ANO7: variants seen among roughly 807,000 people sequenced by gnomAD.
The protein encoded by ANO7 is anoctamin-7.
Under a neutral mutation model 115.8 loss-of-function variants are expected in ANO7, and 114 were observed. The observed-to-expected ratio is 0.98, with a 90% CI of 0.85 to 1.15. The LOEUF (loss-of-function observed/expected upper bound fraction) is 1.15, where lower values mean the gene tolerates loss of function less well. Among genes scored for constraint, ANO7 ranks in the 50% most tolerant of loss-of-function variants. The pLI is 0.00. For missense variants in ANO7, 1,302 were observed against 1,201.2 expected (o/e 1.08, Z -1.24); for synonymous variants, 550 against 498.2 (o/e 1.10, Z -1.38).
In ANO7 at chr2:241,217,899, C is replaced by T. The variant is rs767966900; in HGVS notation, c.2178+8C>T. ...CTGGCGGTCATCAGCAACGTGAGGC[C>T]CGGGCGGGAGCGCGGGGCGGGGCGG... On this transcript the variant is annotated splice_region_variant and intron_variant, in intron 20 of 24. Transcript: ENST00000674324. 1 of 1,526,026 alleles carries T rather than the reference C, an allele frequency of 6.6e-7. No homozygotes were observed. The highest frequency in any genetic ancestry group is 1.4e-5 in the African/African-American group (1 of 69,844). The allele number at this position is 1,526,026 out of a possible 1,614,324, so 94.5% of individuals were successfully genotyped here. A position where few individuals can be genotyped will look rare whatever the true frequency, so the allele number is the denominator to read the frequency against.
intron 3 of ANO7, among the ~76,000 whole-genome samples, chr2:241,194,470 A>C (rs1417869293): frequency 6.6e-6 from 1 of 151,806 alleles, no homozygotes; most frequent in African/African-American, 2.4e-5. Flanking sequence ...GCCGGCCACC[A>C]CGCCCAGCTA....
chr2:241,216,953 C>T (rs1243341919), intron 19 of ANO7, among the ~76,000 whole-genome samples: 2 of 152,260 alleles, frequency 1.3e-5, no homozygotes, highest in East Asian at 3.8e-4. Context: ...CCTGCCTCAG[C>T]CTCCCGAGTA....
chr2:241,236,913 T>C, the ANO7 span: 1 of 736,722 alleles, frequency 1.4e-6, no homozygotes, highest in East Asian at 3.0e-5. Context: ...CAGGAGGTCT[T>C]GGTCTGGTCA....
intron 21 of ANO7, 66 bp downstream of exon 21, chr2:241,218,447 G>A: frequency 8.1e-7 from 1 of 1,229,742 alleles, no homozygotes; most frequent in South Asian, 2.9e-5. Flanking sequence ...GGGCTCGGGT[G>A]GGGTGGGGGT....
At chr2:241,229,625 G>C (rs766752811), downstream of ANO7, 1 of 1,613,892 alleles carries the variant, frequency 6.2e-7, no homozygotes, top group Non-Finnish European at 8.5e-7. Context: ...CCCAAGGGAG[G>C]GTCTTGGGAG....
the ANO7 span, chr2:241,238,609 C>G: frequency 6.9e-7 from 1 of 1,441,670 alleles, no homozygotes; most frequent in East Asian, 2.5e-5. This position sits in a 1 kb window ranked among gnomAD's most constrained non-coding sequence, Gnocchi z 4.9. Flanking sequence ...ATGGGAGGCG[C>G]CACTATTAAC....
chr2:241,194,427 G>A (rs562837665), intron 3 of ANO7, among the ~76,000 whole-genome samples: 4 of 150,526 alleles, frequency 2.7e-5, no homozygotes, highest in South Asian at 2.1e-4. Context: ...CCATTCTCCC[G>A]CCTCAGCCTC....
chr2:241,212,720 C>T, intron 17 of ANO7, 94 bp downstream of exon 17: 1 of 1,360,574 alleles, frequency 7.3e-7, no homozygotes, highest in Non-Finnish European at 1.0e-6. Context: ...AGCAATTCCT[C>T]CCACCACCGG....
Position 241,188,815 on chromosome 2 carries a change from T to G in ANO7, c.-8+49T>G, listed in dbSNP as rs747095293. The G allele has an allele frequency of 5.0e-6, 8 of 1,589,806 alleles. No homozygotes were observed. In the South Asian group the frequency reaches 7.9e-5, roughly 16 times the overall value. ...GGGCCACAGGGAGAAGGTGGAGCGT[T>G]GGACTCTAGGGAGGCAGGGCGGCAC... On this transcript the variant is annotated intron_variant, in intron 1 of 24. Coordinates refer to ENST00000674324, the MANE Select transcript of ANO7 (RefSeq NM_001370694.2). The surrounding 1 kb of genome is among the most constrained non-coding windows in gnomAD (Gnocchi z 4.3).
At chr2:241,205,543 CACAGGTGGACAGGAGTGCTCCCAGTCTG>C (rs1276660230) in intron 10 of ANO7, among the ~76,000 whole-genome samples, 1 of 111,802 alleles carries the variant, frequency 8.9e-6, no homozygotes, top group Non-Finnish European at 1.8e-5. Flanking sequence ...CCAAGGCTGA[CACAGGTGGACAGGAGTGCTCCCAGTCTG>C]ACAGGTGGAC....
At chr2:241,192,134 C>A (rs773610399) in intron 3 of ANO7, among the ~76,000 whole-genome samples, 3 of 152,160 alleles carry the variant, frequency 2.0e-5, no homozygotes, top group Non-Finnish European at 4.4e-5. Context: ...GTCGGGAGTT[C>A]GAGACCAGCC....
intron 15 of ANO7, among the ~76,000 whole-genome samples, chr2:241,211,329 G>A (rs563889838): frequency 8.9e-5 from 6 of 67,132 alleles, no homozygotes; most frequent in Admixed American, 3.4e-4. Flanking sequence ...CTCTCCCATC[G>A]GTCTTTTTCT....
chr2:241,208,921 G>T (rs973868336), intron 11 of ANO7, among the ~76,000 whole-genome samples: 4 of 152,078 alleles, frequency 2.6e-5, no homozygotes, highest in Admixed American at 2.6e-4. Flanking sequence ...AGGCCAAGGC[G>T]GGTGGATCAC....
chr2:241,203,578 C>G lies in ANO7; in HGVS notation c.889+80C>G. On this transcript the variant is annotated intron_variant, in intron 9 of 24. Transcript: ENST00000674324. The surrounding 1 kb of genome is among the most constrained non-coding windows in gnomAD (Gnocchi z 4.8). ...GGTTGTAACAATTTGCCAGTCCGTA[C>G]CCCTGGAGGGCAGCGTGCGTGGGGG... The G allele has an allele frequency of 2.7e-6, 3 of 1,103,368 alleles. No homozygotes were observed. Among genetic ancestry groups the G allele is most frequent in the Non-Finnish European group, 3.7e-6 (3 of 804,060 alleles). 68.3% of individuals were successfully genotyped at this position (1,103,368 alleles called of 1,614,324 possible). A position where few individuals can be genotyped will look rare whatever the true frequency, so the allele number is the denominator to read the frequency against.
chr2:241,215,807 G>A (rs1406221902), intron 18 of ANO7, among the ~76,000 whole-genome samples: 2 of 152,204 alleles, frequency 1.3e-5, no homozygotes, highest in African/African-American at 4.8e-5. Flanking sequence ...TTGCAATTCC[G>A]GGAGGAGCCC....
At chr2:241,189,983 T>C in intron 1 of ANO7, 74 bp from the exon 2 acceptor site, 1 of 1,175,246 alleles carries the variant, frequency 8.5e-7, no homozygotes, top group Non-Finnish European at 1.2e-6. Context: ...CTGCAGGCAG[T>C]GTGGTGGCCC....
At chr2:241,209,236 G>A (rs2068661959) in intron 11 of ANO7, 49 bp from the exon 12 acceptor site, 1 of 1,521,950 alleles carries the variant, frequency 6.6e-7, no homozygotes, top group Non-Finnish European at 8.8e-7. Flanking sequence ...GAAGGAACAA[G>A]GGGCCTCCAG....
chr2:241,239,536 C>A, the ANO7 span: 2 of 1,336,488 alleles, frequency 1.5e-6, no homozygotes, highest in South Asian at 1.2e-5. This position sits in a 1 kb window ranked among gnomAD's most constrained non-coding sequence, Gnocchi z 4.6. Context: ...AGCGAACACT[C>A]ATACACGGCT....
rs371708128 is a variant in ANO7, at chr2:241,190,798, C to T, written c.109-396C>T. The stretch of plus-strand genomic sequence containing the variant: ...CTCGGTCGCCATGGCCAACTCTGTC[C>T]TCAGGGCCCCTTTGGGAGCAGTCCG... On this transcript the variant is annotated intron_variant, in intron 2 of 24. Transcript: ENST00000674324. Among the ~76,000 whole-genome samples the T allele has an allele frequency of 7.2e-5, 11 of 152,366 alleles. No individual in the cohort carries two copies. The East Asian group carries it at 1.2e-3, about 16-fold the overall frequency.
Sources: allele counts gnomAD v4.1 joint callset (sites outside exome capture counted in the v4.1 genomes callset), GRCh38; gene constraint gnomAD v4.1.1; non-coding constraint Gnocchi (gnomAD v3.1); transcripts MANE v1.5; gene names NCBI Gene and HGNC (gene_info 2026-07-23, HGNC 2026-07-21).